Variants in MIPEP observed in about 807,000 individuals in gnomAD.
MIPEP encodes the protein mitochondrial intermediate peptidase.
MIPEP carries 79 observed loss-of-function variants against 90.3 expected under a neutral mutation model. That is an observed-to-expected ratio of 0.87 (90% CI 0.73 to 1.05). MIPEP has a LOEUF of 1.05. MIPEP is among the 50% of genes least tolerant of loss of function. MIPEP has a pLI of 0.00. For synonymous variants in MIPEP, 334 were observed against 315.8 expected, an observed-to-expected ratio of 1.06 and a Z score of -0.61; for missense variants, 940 against 905.6, an observed-to-expected ratio of 1.04 and a Z score of -0.49.
Position 23,806,023 on chromosome 13 carries a change from A to T in MIPEP, c.1775T>A (p.Leu592Gln), listed in dbSNP as rs377752770. ...GAGAATGTCTGTGGTTGAATTCCTC[A>T]GGGGATGCTTCCCATGGTAGATTTG... ...LDQIYHGKHP[L>Q]RNSTTDILKE... Residue 592 changes from leucine to glutamine, a missense_variant, in exon 16 of 19, where the codon CTG (leucine) becomes CAG (glutamine). By Grantham distance (113) the Leu-to-Gln change is moderately radical. Coordinates refer to ENST00000382172, the MANE Select transcript of MIPEP (RefSeq NM_005932.4). The T allele has an allele frequency of 3.1e-6, 5 of 1,613,846 alleles. No homozygotes were observed. In the African/African-American group the frequency reaches 6.7e-5, roughly 22 times the overall value.
chr13:23,839,324 G>A (rs1479600739), intron 12 of MIPEP, among the ~76,000 whole-genome samples: 1 of 152,154 alleles, frequency 6.6e-6, no homozygotes, highest in Non-Finnish European at 1.5e-5. Context: ...CTAGTCAAAA[G>A]GGTGAGGCGA....
At chr13:23,754,145 A>T (rs1272505853) in intron 18 of MIPEP, among the ~76,000 whole-genome samples, 1 of 152,194 alleles carries the variant, frequency 6.6e-6, no homozygotes, top group African/African-American at 2.4e-5. Context: ...TACATTACAA[A>T]TCTCAGTAAT....
chr13:23,875,035 C>CACAT (rs892857187), intron 4 of MIPEP, 126 bp from the exon 5 acceptor site: 1 of 420,774 alleles, frequency 2.4e-6, no homozygotes, highest in African/African-American at 2.1e-5. Flanking sequence ...AAAACACACA[C>CACAT]ACACACACAC....
chr13:23,783,704 A>G (rs555295894), intron 16 of MIPEP, among the ~76,000 whole-genome samples: 1 of 152,360 alleles, frequency 6.6e-6, no homozygotes, highest in East Asian at 1.9e-4. Flanking sequence ...AGAAAACCCC[A>G]TTGTCTTAGT....
At chr13:23,737,454 AC>A (rs942291040) in intron 18 of MIPEP, among the ~76,000 whole-genome samples, 2 of 152,214 alleles carry the variant, frequency 1.3e-5, no homozygotes, top group African/African-American at 4.8e-5. Flanking sequence ...GCCTGTGGTA[AC>A]CCCTTCAAAC....
intron 16 of MIPEP, among the ~76,000 whole-genome samples, chr13:23,796,539 T>C (rs1952963667): frequency 1.3e-5 from 2 of 152,062 alleles, no homozygotes; most frequent in African/African-American, 4.8e-5. Context: ...ACAATGCCAT[T>C]TTCTCATGGT....
intron 17 of MIPEP, among the ~76,000 whole-genome samples, chr13:23,757,772 T>C (rs1420271115): frequency 2.6e-5 from 4 of 152,176 alleles, no homozygotes; most frequent in Non-Finnish European, 5.9e-5. Context: ...ACGCTGTTAA[T>C]GACAATATGT....
At position 23,886,369 on chromosome 13, in the gene MIPEP, A is replaced by G; in HGVS notation, c.327T>C (p.Asp109=). ...CTCTGCATAAGGAATCCGAGAGCTC[A>G]TCGAAGATCAGCACGGTCTGGGGCC... ...PPGPQTVLIF[D]ELSDSLCRVA... The change falls in exon 2 of 19, where the codon GAT becomes GAC. Residue 109 remains aspartate (D), a synonymous_variant. Transcript: ENST00000382172. The G allele has an allele frequency of 6.2e-7, 1 of 1,601,630 alleles. No homozygotes were observed.
intron 8 of MIPEP, among the ~76,000 whole-genome samples, chr13:23,862,709 T>G (rs1307845783): frequency 6.6e-6 from 1 of 152,202 alleles, no homozygotes; most frequent in Admixed American, 6.5e-5. Context: ...ACTTAACAAA[T>G]TAACTCCTAG....
chr13:23,880,144 T>G (rs748191671), intron 3 of MIPEP, among the ~76,000 whole-genome samples: 8 of 152,102 alleles, frequency 5.3e-5, no homozygotes, highest in Non-Finnish European at 1.0e-4. Context: ...TGTTCCTCAG[T>G]TGGTTCACAA....
intron 18 of MIPEP, among the ~76,000 whole-genome samples, chr13:23,735,771 C>T (rs1304793338): frequency 6.6e-6 from 1 of 152,132 alleles, no homozygotes; most frequent in East Asian, 1.9e-4. Flanking sequence ...AAATCAGGAC[C>T]TGAGCCTGGA....
chr13:23,855,316 T>C (rs1425041921), intron 10 of MIPEP, among the ~76,000 whole-genome samples: 5 of 152,320 alleles, frequency 3.3e-5, no homozygotes, highest in Admixed American at 2.6e-4. Context: ...GGATCAACCT[T>C]TGGCACTTTT....
At chr13:23,830,334 C>A (rs1403198574) in intron 14 of MIPEP, among the ~76,000 whole-genome samples, 2 of 152,020 alleles carry the variant, frequency 1.3e-5, no homozygotes, top group African/African-American at 2.4e-5. Context: ...AGTAAAATAC[C>A]ATTTTTGTAA....
intron 16 of MIPEP, among the ~76,000 whole-genome samples, chr13:23,773,316 G>C (rs568293252): frequency 8.6e-4 from 131 of 152,226 alleles, no homozygotes; most frequent in African/African-American, 3.0e-3. Flanking sequence ...TTCTTTTTAT[G>C]ACCAATTTTC....
intron 18 of MIPEP, among the ~76,000 whole-genome samples, chr13:23,734,353 G>C (rs1230412658): frequency 3.3e-5 from 5 of 152,096 alleles, no homozygotes; most frequent in Non-Finnish European, 7.3e-5. Context: ...CTGGCATGAG[G>C]ACCAAAAACC....
At chr13:23,884,086 T>A (rs1436744794) in intron 2 of MIPEP, among the ~76,000 whole-genome samples, 1 of 151,582 alleles carries the variant, frequency 6.6e-6, no homozygotes, top group African/African-American at 2.4e-5. Context: ...GGAAAAAAAA[T>A]AAAGATGGGG....
At chr13:23,875,345 A>G (rs907070707) in intron 4 of MIPEP, among the ~76,000 whole-genome samples, 1 of 152,132 alleles carries the variant, frequency 6.6e-6, no homozygotes, top group Admixed American at 6.5e-5. Context: ...AAACAGTTTT[A>G]TATTTGGACA....
chr13:23,812,883 T>G (rs1037984514), intron 14 of MIPEP, among the ~76,000 whole-genome samples: 1 of 152,120 alleles, frequency 6.6e-6, no homozygotes, highest in Admixed American at 6.5e-5. Flanking sequence ...AAGAAACACA[T>G]AAGTAGAGAA....
At chr13:23,841,707 G>C (rs1869306428) in intron 10 of MIPEP, among the ~76,000 whole-genome samples, 1 of 152,112 alleles carries the variant, frequency 6.6e-6, no homozygotes, top group Admixed American at 6.6e-5. Flanking sequence ...AATTAAGGTA[G>C]ATATATCATT....
Sources: allele counts gnomAD v4.1 joint callset (sites outside exome capture counted in the v4.1 genomes callset), GRCh38; gene constraint gnomAD v4.1.1; transcripts MANE v1.5; gene names NCBI Gene and HGNC (gene_info 2026-07-23, HGNC 2026-07-21).